PCDHGB2: variants seen among roughly 807,000 people sequenced by gnomAD.
PCDHGB2 encodes protocadherin gamma-B2.
In PCDHGB2, 55 loss-of-function variants were observed where a neutral mutation model predicts 59.3. The ratio of observed to expected loss-of-function variants is 0.93; its 90% confidence interval spans 0.75 to 1.16. PCDHGB2 has a LOEUF of 1.16. Ranked by LOEUF, PCDHGB2 falls within the 50% of genes most tolerant of loss-of-function variation. The pLI, the probability that PCDHGB2 is intolerant of heterozygous loss-of-function variation, is 0.00. For missense variants in PCDHGB2, 1,228 were observed against 1,198.5 expected (o/e 1.02, Z -0.36); for synonymous variants, 516 against 512.0 (o/e 1.01, Z -0.11).
At chr5:141,508,499 C>T (rs1425054102) in intron 3 of PCDHGB2, among the ~76,000 whole-genome samples, 7 of 152,212 alleles carry the variant, frequency 4.6e-5, no homozygotes, top group Non-Finnish European at 1.0e-4. Flanking sequence ...CATATCTTCT[C>T]TCCCTCCTGG....
At chr5:141,375,922 G>A (rs1772046633) in intron 1 of PCDHGB2, 5 of 1,613,646 alleles carry the variant, frequency 3.1e-6, no homozygotes, top group Admixed American at 1.7e-5. Context: ...AGGCCAGCGA[G>A]CCAGGACTTT....
chr5:141,365,902 G>A lies in PCDHGB2; in HGVS notation c.2421+3346G>A, dbSNP rs373157726. ...CTCTGAGATCCTTCGACTATGAGCAGTTGAGAGACCTACAGTTGTGGGTGA... is the reference window on the plus strand; with the variant it reads ...CTCTGAGATCCTTCGACTATGAGCAATTGAGAGACCTACAGTTGTGGGTGA... On this transcript the variant is annotated intron_variant, in intron 1 of 3. Coordinates refer to ENST00000522605, the MANE Select transcript of PCDHGB2 (RefSeq NM_018923.3). 22 of 1,614,138 alleles carry A rather than the reference G, an allele frequency of 1.4e-5. No homozygotes were observed. The African/African-American group carries it at 2.9e-4, about 22-fold the overall frequency.
intron 2 of PCDHGB2, among the ~76,000 whole-genome samples, chr5:141,499,133 T>C (rs1443866975): frequency 6.6e-6 from 1 of 152,184 alleles, no homozygotes; most frequent in East Asian, 1.9e-4. Context: ...GGTCATCCTT[T>C]GGGTGTCTGA....
At chr5:141,419,781 G>A in intron 1 of PCDHGB2, 1 of 1,614,032 alleles carries the variant, frequency 6.2e-7, no homozygotes, top group Non-Finnish European at 8.5e-7. Flanking sequence ...GTCCGCCAGC[G>A]CCTGCTAGTC....
intron 1 of PCDHGB2, chr5:141,420,239 C>G (rs984335177): frequency 1.3e-6 from 2 of 1,593,300 alleles, no homozygotes; most frequent in African/African-American, 2.7e-5. Flanking sequence ...CATTTTAACT[C>G]CCAGCGTTGA....
rs768367034 is a variant in PCDHGB2 at position 141,360,834 on chromosome 5, G to A, written c.699G>A (p.Thr233=). Residue 233 remains threonine (T), a synonymous_variant, in exon 1 of 4, where the codon ACG becomes ACA. Transcript: ENST00000522605. ...SGTTQIRIKV[T]DANDNPPVFS... is the part of the protein sequence containing the mutation. ...CGACCCAAATCCGAATCAAAGTCAC[G>A]GATGCCAACGATAACCCTCCAGTGT... 5 of 1,613,800 alleles carry A rather than the reference G, an allele frequency of 3.1e-6. No individual in the cohort carries two copies. The African/African-American group carries it at 6.7e-5, about 22-fold the overall frequency.
intron 1 of PCDHGB2, chr5:141,371,678 C>A: frequency 2.5e-6 from 4 of 1,614,040 alleles, no homozygotes; most frequent in Non-Finnish European, 3.4e-6. Flanking sequence ...CCGACAAAGG[C>A]AATCCACCGC....
chr5:141,394,557 G>A (rs372165481), intron 1 of PCDHGB2: 23 of 1,613,964 alleles, frequency 1.4e-5, no homozygotes, highest in South Asian at 4.4e-5. Context: ...GCCCCGCTCC[G>A]CAGAGCGTGG....
chr5:141,494,386 T>G (rs2099753905), intron 1 of PCDHGB2, among the ~76,000 whole-genome samples: 1 of 152,198 alleles, frequency 6.6e-6, no homozygotes, highest in African/African-American at 2.4e-5. Context: ...GCTGAGGAGT[T>G]GAATAAATTC....
intron 3 of PCDHGB2, among the ~76,000 whole-genome samples, chr5:141,506,045 C>G (rs1379226123): frequency 6.6e-6 from 1 of 152,078 alleles, no homozygotes; most frequent in Non-Finnish European, 1.5e-5. Flanking sequence ...TCTGGTTTTC[C>G]CATAAGGTTG....
At chr5:141,387,629 G>T (rs1361387129) in intron 1 of PCDHGB2, 7 of 579,598 alleles carry the variant, frequency 1.2e-5, no homozygotes, top group African/African-American at 3.7e-5. Context: ...CTGACTCTGG[G>T]CGCCGCTGTT....
chr5:141,381,354 G>T (rs1163041754), intron 1 of PCDHGB2, among the ~76,000 whole-genome samples: 1 of 152,202 alleles, frequency 6.6e-6, no homozygotes, highest in Admixed American at 6.5e-5. Context: ...CTTTCTGCTA[G>T]CAGAGGGTAG....
intron 1 of PCDHGB2, chr5:141,375,811 G>T: frequency 6.2e-7 from 1 of 1,614,224 alleles, no homozygotes; most frequent in South Asian, 1.1e-5. Context: ...CTGGCGTGGA[G>T]CTGGCGCCCC....
chr5:141,414,751 T>C (rs2095785645), intron 1 of PCDHGB2: 4 of 1,614,084 alleles, frequency 2.5e-6, no homozygotes, highest in Non-Finnish European at 1.7e-6. Flanking sequence ...ATCCTTCGAC[T>C]ATGAGCAGTT....
chr5:141,421,194 C>G, intron 1 of PCDHGB2: 1 of 1,498,922 alleles, frequency 6.7e-7, no homozygotes, highest in South Asian at 1.3e-5. Context: ...CCAACCAGCT[C>G]GAGAAACCGC....
intron 1 of PCDHGB2, chr5:141,385,141 G>T (rs1183220869): frequency 1.9e-6 from 3 of 1,614,202 alleles, no homozygotes; most frequent in Non-Finnish European, 2.5e-6. Context: ...CGGGGTGCAG[G>T]CTTTCCTGCA....
At position 141,362,214 on chromosome 5, in the gene PCDHGB2, T is replaced by TGTGGCC. The variant is rs1294960124; in HGVS notation, c.2080_2085dup (p.Val694_Ala695dup). ...AGGCAAAACTGCAGTTTTACCTGGTTGTGGCCTTGGCCTTGATCTCAGTGC... is the reference window on the plus strand; with the variant it reads ...AGGCAAAACTGCAGTTTTACCTGGTTGTGGCCGTGGCCTTGGCCTTGATCTCAGTGC... On this transcript the variant is annotated inframe_insertion, in exon 1 of 4. Coordinates refer to ENST00000522605, the MANE Select transcript of PCDHGB2 (RefSeq NM_018923.3). 1 of 1,613,866 alleles carries TGTGGCC rather than the reference T, an allele frequency of 6.2e-7. No individual in the cohort carries two copies. Among genetic ancestry groups the TGTGGCC allele is most frequent in the Non-Finnish European group, 8.5e-7 (1 of 1,179,876 alleles).
At chr5:141,421,303 G>C in intron 1 of PCDHGB2, 1 of 1,613,660 alleles carries the variant, frequency 6.2e-7, no homozygotes, top group Non-Finnish European at 8.5e-7. Context: ...GACGCTGCGG[G>C]GGTTCCGGGC....
intron 2 of PCDHGB2, among the ~76,000 whole-genome samples, chr5:141,499,370 AT>A (rs932083472): frequency 2.0e-5 from 3 of 152,170 alleles, no homozygotes. Context: ...TAGCAACTTA[AT>A]TTTTTTCCAC....
Sources: gnomAD v4.1 joint callset for allele counts (sites outside exome capture counted in the v4.1 genomes callset) on GRCh38, gnomAD v4.1.1 for gene constraint, MANE v1.5 for transcripts, NCBI Gene and HGNC (gene_info 2026-07-23, HGNC 2026-07-21) for gene names.